DNAAF9: variants seen among roughly 807,000 people sequenced by gnomAD.
DNAAF9 encodes shulin.
DNAAF9 carries 90 observed loss-of-function variants against 167.0 expected under a neutral mutation model. The observed-to-expected ratio is 0.54, with a 90% CI of 0.45 to 0.64. The LOEUF (loss-of-function observed/expected upper bound fraction) is 0.64, where lower values mean the gene tolerates loss of function less well. Among genes scored for constraint, DNAAF9 ranks in the 30% least tolerant of loss-of-function variants. The probability of loss-of-function intolerance (pLI) is 0.00; values close to 1 mark genes in which losing one functional copy is unlikely to be tolerated. For missense variants in DNAAF9, 1,315 were observed against 1,442.2 expected (o/e 0.91, Z 1.43); for synonymous variants, 491 against 508.8 (o/e 0.96, Z 0.47).
chr20:3,338,784 C>G (rs6051759), intron 10 of DNAAF9, among the ~76,000 whole-genome samples: 1 of 151,660 alleles, frequency 6.6e-6, no homozygotes, highest in African/African-American at 2.4e-5. Flanking sequence ...TCCCTAGTAG[C>G]TGGGATAACA....
chr20:3,317,990 C>G (rs1259687128), intron 17 of DNAAF9, among the ~76,000 whole-genome samples: 2 of 152,000 alleles, frequency 1.3e-5, no homozygotes, highest in Non-Finnish European at 2.9e-5. Flanking sequence ...CTGTGAAGTG[C>G]CTGTTCATTT....
intron 20 of DNAAF9, among the ~76,000 whole-genome samples, chr20:3,310,341 G>GAAAGAAAGAAAGAAAGA: frequency 7.2e-6 from 1 of 138,258 alleles, no homozygotes; most frequent in African/African-American, 2.7e-5. Flanking sequence ...GAAAAAGAAA[G>GAAAGAAAGAAAGAAAGA]AAAGAAAGAA....
At chr20:3,388,067 C>CAA (rs901916873) in intron 1 of DNAAF9, among the ~76,000 whole-genome samples, 2,254 of 104,822 alleles carry the variant, frequency 0.022, 28 homozygotes, top group Non-Finnish European at 0.029. Context: ...GACTCTGTCT[C>CAA]AAAAAAAAAA....
chr20:3,372,308 G>A (rs1472179415), intron 6 of DNAAF9, among the ~76,000 whole-genome samples: 1 of 152,198 alleles, frequency 6.6e-6, no homozygotes, highest in African/African-American at 2.4e-5. Flanking sequence ...GGGGAAAGAA[G>A]ACTGAGGTGG....
chr20:3,380,520 C>T (rs1464312893), intron 3 of DNAAF9, among the ~76,000 whole-genome samples: 2 of 152,150 alleles, frequency 1.3e-5, no homozygotes. Flanking sequence ...GGCCTCTATC[C>T]ACTAGATGCC....
intron 31 of DNAAF9, among the ~76,000 whole-genome samples, chr20:3,260,773 G>A (rs1028546061): frequency 6.6e-6 from 1 of 152,060 alleles, no homozygotes; most frequent in Non-Finnish European, 1.5e-5. Context: ...GGGATCACAG[G>A]CGTGTGCGCC....
chr20:3,314,006 T>G (rs1041459800), intron 20 of DNAAF9, among the ~76,000 whole-genome samples: 25 of 152,190 alleles, frequency 1.6e-4, no homozygotes, highest in African/African-American at 5.1e-4. Context: ...TGACTCCTTT[T>G]TACCTTCTGT....
In DNAAF9 at chr20:3,250,744, C is replaced by G. The variant is rs541335148; in HGVS notation, c.*1828G>C. ...GTGCAGTCAGGAAATGGCTCAAGCTCCTAAAGCTAGAGCTTTCATTTAAAA... is the reference window on the plus strand; with the variant it reads ...GTGCAGTCAGGAAATGGCTCAAGCTGCTAAAGCTAGAGCTTTCATTTAAAA... On this transcript the variant is annotated 3_prime_UTR_variant, in exon 37 of 37. Transcript: ENST00000252032. 53 of 152,334 alleles carry G rather than the reference C, an allele frequency of 3.5e-4. No homozygotes were observed. Among genetic ancestry groups the G allele is most frequent in the African/African-American group, 1.3e-3 (52 of 41,574 alleles). 9.4% of individuals were successfully genotyped at this position (152,334 alleles called of 1,614,324 possible).
intron 20 of DNAAF9, among the ~76,000 whole-genome samples, chr20:3,310,189 T>A (rs528620604): frequency 7.3e-6 from 1 of 137,312 alleles, no homozygotes; most frequent in Non-Finnish European, 1.5e-5. Flanking sequence ...TGAAACTCCA[T>A]CAAGAAAGAA....
intron 7 of DNAAF9, among the ~76,000 whole-genome samples, chr20:3,353,348 T>TA (rs2070363161): frequency 6.6e-6 from 1 of 151,632 alleles, no homozygotes; most frequent in Non-Finnish European, 1.5e-5. Context: ...TGTGAGACTT[T>TA]AAAAAAACAA....
At chr20:3,363,613 GA>G (rs1293189338) in intron 6 of DNAAF9, among the ~76,000 whole-genome samples, 1 of 151,330 alleles carries the variant, frequency 6.6e-6, no homozygotes, top group Non-Finnish European at 1.5e-5. Context: ...AGCTCTTAGG[GA>G]AGCAGAAGCA....
At position 3,381,366 on chromosome 20, in the gene DNAAF9, A is replaced by G; in HGVS notation, c.283+13T>C. 1 of 1,599,448 alleles carries G rather than the reference A, an allele frequency of 6.3e-7. No homozygotes were observed. Among genetic ancestry groups the G allele is most frequent in the Non-Finnish European group, 8.6e-7 (1 of 1,168,004 alleles). On this transcript the variant is annotated intron_variant, in intron 3 of 36. Coordinates refer to ENST00000252032, the MANE Select transcript of DNAAF9 (RefSeq NM_001009984.3). ...ACTCTTCTATCACACAGAGTTTACCAATATATACTTACCATCTAGTACTTC... is the reference window on the plus strand; with the variant it reads ...ACTCTTCTATCACACAGAGTTTACCGATATATACTTACCATCTAGTACTTC...
intron 27 of DNAAF9, 73 bp downstream of exon 27, chr20:3,287,559 T>C (rs2068873291): frequency 2.1e-6 from 3 of 1,437,766 alleles, no homozygotes; most frequent in Middle Eastern, 1.7e-4. Flanking sequence ...CCAGGTTTGT[T>C]ACACATAAAA....
Position 3,252,524 on chromosome 20 carries a change from C to A in DNAAF9, c.*48G>T, listed in dbSNP as rs764222921. The stretch of plus-strand genomic sequence containing the variant: ...AGCTGAGGTTAAGACACCCGTTCGT[C>A]CATCTCCAAGGTGGACATTCTGCAG... On this transcript the variant is annotated 3_prime_UTR_variant, in exon 37 of 37. Transcript: ENST00000252032. 9.8e-7 allele frequency: 1 copy of A among 1,018,992 alleles called. No individual in the cohort carries two copies. Among genetic ancestry groups the A allele is most frequent in the South Asian group, 1.3e-5 (1 of 78,844 alleles). 63.1% of individuals were successfully genotyped at this position (1,018,992 alleles called of 1,614,324 possible).
rs2069493615 is a variant in DNAAF9 at position 3,315,953 on chromosome 20, CCTGGGCT to C, written c.1540-175_1540-169del. 2 of 645,040 alleles carry C rather than the reference CCTGGGCT, an allele frequency of 3.1e-6. No individual in the cohort carries two copies. The highest frequency in any genetic ancestry group is 5.0e-5 in the Admixed American group (2 of 39,638). The allele number at this position is 645,040 out of a possible 1,614,324, so 40.0% of individuals were successfully genotyped here. The stretch of plus-strand genomic sequence containing the variant: ...ACACACCTGAGATGTCTGCTGGTCA[CCTGGGCT>C]CAGAGCCCAAGGCCTTGGTGGGCTC... On this transcript the variant is annotated intron_variant, in intron 18 of 36. Coordinates refer to ENST00000252032, the MANE Select transcript of DNAAF9 (RefSeq NM_001009984.3). This position sits in a 1 kb window ranked among gnomAD's most constrained non-coding sequence, Gnocchi z 4.1.
chr20:3,295,988 G>A (rs2069069232), intron 23 of DNAAF9: 6 of 1,556,172 alleles, frequency 3.9e-6, no homozygotes, highest in Non-Finnish European at 5.3e-6. Context: ...CACTTTGGGA[G>A]GCACCATGTT....
intron 3 of DNAAF9, among the ~76,000 whole-genome samples, chr20:3,378,201 A>G (rs2083600861): frequency 6.6e-6 from 1 of 152,206 alleles, no homozygotes; most frequent in Non-Finnish European, 1.5e-5. Flanking sequence ...TGAGGCAGGG[A>G]AACAGCACCA....
intron 10 of DNAAF9, among the ~76,000 whole-genome samples, chr20:3,338,717 A>T (rs1213780627): frequency 7.0e-6 from 1 of 142,426 alleles, no homozygotes; most frequent in Non-Finnish European, 1.5e-5. Flanking sequence ...CAATGGTGCG[A>T]TCTCAGCTCA....
At chr20:3,362,359 AATT>A (rs1265307840) in intron 6 of DNAAF9, 2 of 602,140 alleles carry the variant, frequency 3.3e-6, no homozygotes, top group Non-Finnish European at 5.7e-6. Flanking sequence ...GTTTATTAAT[AATT>A]ATTGTTTACA....
Sources: allele counts gnomAD v4.1 joint callset (sites outside exome capture counted in the v4.1 genomes callset), GRCh38; gene constraint gnomAD v4.1.1; non-coding constraint Gnocchi (gnomAD v3.1); transcripts MANE v1.5; gene names NCBI Gene and HGNC (gene_info 2026-07-23, HGNC 2026-07-21).